DNAH5: variants seen among roughly 807,000 people sequenced by gnomAD.
DNAH5 encodes the protein dynein axonemal heavy chain 5.
A neutral mutation model predicts 518.2 loss-of-function variants in DNAH5; 372 were observed. The ratio of observed to expected loss-of-function variants is 0.72; its 90% CI spans 0.66 to 0.78. The LOEUF is 0.78. DNAH5 is among the 30% of genes least tolerant of loss of function. DNAH5 has a pLI of 0.00. For synonymous variants in DNAH5, 2,039 were observed against 2,025.9 expected (o/e 1.01, Z -0.17); for missense variants, 5,523 against 5,687.0 (o/e 0.97, Z 0.93).
intron 1 of DNAH5, among the ~76,000 whole-genome samples, chr5:13,935,564 G>A (rs1485604451): frequency 1.3e-5 from 2 of 152,168 alleles, no homozygotes; most frequent in African/African-American, 4.8e-5. Context: ...CAATCCTAGT[G>A]TCATATAGAT....
Position 13,720,994 on chromosome 5 carries a change from C to A in DNAH5, c.12279+6G>T, listed in dbSNP as rs762179184. 5.6e-6 allele frequency: 9 copies of A among 1,613,998 alleles called. No homozygotes were observed. Among genetic ancestry groups the A allele is most frequent in the Admixed American group, 1.7e-5 (1 of 60,000 alleles). ...CATGGCACAAAAGTAGACTATTCAG[C>A]CTTACGTTCGCCATGGTCTGCTGCA... On this transcript the variant is annotated splice_donor_region_variant and intron_variant, in intron 71 of 78. Transcript: ENST00000265104.
intron 70 of DNAH5, 32 bp downstream of exon 70, chr5:13,727,475 T>G: frequency 6.4e-7 from 1 of 1,573,050 alleles, no homozygotes; most frequent in South Asian, 1.2e-5. Flanking sequence ...AAAAATATTC[T>G]CTCATTTTTC....
At chr5:13,784,473 C>G (rs1034041974) in intron 52 of DNAH5, among the ~76,000 whole-genome samples, 14 of 152,122 alleles carry the variant, frequency 9.2e-5, no homozygotes, top group Non-Finnish European at 1.5e-4. Flanking sequence ...CTGGGGAGAC[C>G]CAACTCCTGA....
intron 31 of DNAH5, among the ~76,000 whole-genome samples, chr5:13,845,216 C>T (rs1298017260): frequency 6.6e-6 from 1 of 152,050 alleles, no homozygotes; most frequent in African/African-American, 2.4e-5. Flanking sequence ...AAATTGGTGG[C>T]AGAATTCCCT....
chr5:13,733,372 G>A (rs1746880891), intron 68 of DNAH5, among the ~76,000 whole-genome samples: 1 of 152,074 alleles, frequency 6.6e-6, no homozygotes, highest in South Asian at 2.1e-4. Context: ...TTTCTATGTG[G>A]AAATACATTT....
At chr5:13,864,329 C>T in intron 28 of DNAH5, 68 bp downstream of exon 28, 2 of 1,592,806 alleles carry the variant, frequency 1.3e-6, no homozygotes, top group Non-Finnish European at 1.7e-6. Context: ...TCCAATATTC[C>T]ATAATATAGA....
chr5:13,967,226 G>A (rs1219543911), intron 1 of DNAH5, among the ~76,000 whole-genome samples: 1 of 152,150 alleles, frequency 6.6e-6, no homozygotes, highest in African/African-American at 2.4e-5. Flanking sequence ...TTTGCTTTTG[G>A]ATTCTGGATC....
chr5:13,847,946 GA>G (rs1478501390), intron 31 of DNAH5, among the ~76,000 whole-genome samples: 2 of 152,068 alleles, frequency 1.3e-5, no homozygotes, highest in African/African-American at 4.8e-5. Flanking sequence ...CTTCCATGTT[GA>G]AGAACCTCCA....
chr5:13,913,969 A>G lies in DNAH5; in HGVS notation c.1321-11T>C. The G allele has an allele frequency of 6.2e-7, 1 of 1,611,658 alleles. No individual in the cohort carries two copies. Among genetic ancestry groups the G allele is most frequent in the Non-Finnish European group, 8.5e-7 (1 of 1,178,640 alleles). ...GCAGAGCTGGTATTCCTTAAAATCAAAAGAAAAATATACAACAAAGGGAAC... is the reference window on the plus strand; with the variant it reads ...GCAGAGCTGGTATTCCTTAAAATCAGAAGAAAAATATACAACAAAGGGAAC... On this transcript the variant is annotated splice_polypyrimidine_tract_variant and intron_variant, in intron 10 of 78. Transcript: ENST00000265104.
rs976380446 is a variant in DNAH5 at position 13,913,726 on chromosome 5, G to A, written c.1536+17C>T. The A allele has an allele frequency of 3.1e-6, 5 of 1,612,432 alleles. No homozygotes were observed. The highest frequency in any genetic ancestry group is 3.4e-6 in the Non-Finnish European group (4 of 1,178,972). ...GTTGTGGATTATGTTATAAAATATA[G>A]CTTTAAAGTACAATACCTGGTATTT... On this transcript the variant is annotated intron_variant, in intron 11 of 78. Coordinates refer to ENST00000265104, the MANE Select transcript of DNAH5 (RefSeq NM_001369.3).
At chr5:13,883,696 C>T (rs1249428478) in intron 19 of DNAH5, among the ~76,000 whole-genome samples, 7 of 152,074 alleles carry the variant, frequency 4.6e-5, no homozygotes, top group African/African-American at 7.2e-5. Context: ...CATAACTTTA[C>T]GTAGTTGCAA....
rs533426944 is a variant in DNAH5 at position 13,731,000 on chromosome 5, G to A, written c.11762-1440C>T. On this transcript the variant is annotated intron_variant, in intron 68 of 78. Transcript: ENST00000265104. ...ATTAAAGGCATGAGCCACCGCGCCCGGCCTACGCATTATTCATAAAATGAT... is the reference window on the plus strand; with the variant it reads ...ATTAAAGGCATGAGCCACCGCGCCCAGCCTACGCATTATTCATAAAATGAT... 1.2e-4 allele frequency among the ~76,000 whole-genome samples: 19 copies of A among 152,206 alleles called. No homozygotes were observed. In the East Asian group the frequency reaches 2.9e-3, roughly 23 times the overall value.
chr5:13,987,791 T>C (rs1225573731), intron 1 of DNAH5, among the ~76,000 whole-genome samples: 4 of 151,858 alleles, frequency 2.6e-5, no homozygotes, highest in African/African-American at 7.3e-5. Flanking sequence ...GAGGTGGAGA[T>C]TGCAGCAAGC....
chr5:13,691,982 T>A lies in DNAH5; in HGVS notation c.*2A>T. 1 of 1,614,124 alleles carries A rather than the reference T, an allele frequency of 6.2e-7. No homozygotes were observed. The highest frequency in any genetic ancestry group is 1.1e-5 in the South Asian group (1 of 91,078). ...GCATTGGGTGGGGACACTCCCCACA[T>A]GTTACTTGACATCACACAGAAGGGC... On this transcript the variant is annotated 3_prime_UTR_variant, in exon 79 of 79. Transcript: ENST00000265104.
intron 14 of DNAH5, 141 bp downstream of exon 14, chr5:13,901,111 C>T (rs1359678304): frequency 3.6e-6 from 3 of 829,292 alleles, no homozygotes; most frequent in Non-Finnish European, 5.8e-6. Flanking sequence ...GGACATATTA[C>T]ACTCTGAACG....
intron 78 of DNAH5, 140 bp from the exon 79 acceptor site, chr5:13,692,275 G>C (rs1464068299): frequency 1.1e-6 from 1 of 935,908 alleles, no homozygotes; most frequent in African/African-American, 1.6e-5. Context: ...TCTTTCTGAG[G>C]TCAGGCAATT....
At chr5:13,986,751 T>G (rs1783079594) in intron 1 of DNAH5, among the ~76,000 whole-genome samples, 1 of 152,162 alleles carries the variant, frequency 6.6e-6, no homozygotes, top group African/African-American at 2.4e-5. Context: ...ATACATTTTT[T>G]GCAAGCAAAA....
chr5:13,982,026 T>TA (rs2152067390), intron 1 of DNAH5, among the ~76,000 whole-genome samples: 1 of 152,322 alleles, frequency 6.6e-6, no homozygotes, highest in South Asian at 2.1e-4. Context: ...CTACTTGCCC[T>TA]AAAAAGAATG....
chr5:13,735,806 G>A lies in DNAH5; in HGVS notation c.11570+12C>T, dbSNP rs536584175. On this transcript the variant is annotated intron_variant, in intron 67 of 78. Transcript: ENST00000265104. ...TATAGAATTCAGCTTGGCTTCCCGC[G>A]TACAGACGTACCTGGCTAAGGAAAG... 54 of 1,604,630 alleles carry A rather than the reference G, an allele frequency of 3.4e-5. No individual in the cohort carries two copies. Among genetic ancestry groups the A allele is most frequent in the Middle Eastern group, 1.7e-4 (1 of 6,038 alleles).
Sources: gnomAD v4.1 joint callset for allele counts (sites outside exome capture counted in the v4.1 genomes callset) on GRCh38, gnomAD v4.1.1 for gene constraint, MANE v1.5 for transcripts, NCBI Gene and HGNC (gene_info 2026-07-23, HGNC 2026-07-21) for gene names.